The following ABHD6 variants were observed in gnomAD, a reference collection of about 807,000 sequenced individuals.
ABHD6 encodes abhydrolase domain containing 6, acylglycerol lipase.
ABHD6 carries 33 observed loss-of-function variants against 38.8 expected under a neutral mutation model. The observed-to-expected ratio is 0.85, with a 90% CI of 0.64 to 1.14. The LOEUF (loss-of-function observed/expected upper bound fraction) is 1.14, where lower values mean the gene tolerates loss of function less well. ABHD6 is among the 50% of genes most tolerant of loss of function. The pLI, the probability that ABHD6 is intolerant of heterozygous loss-of-function variation, is 0.00. For missense variants in ABHD6, 380 were observed against 422.6 expected (o/e 0.90, Z 0.88); for synonymous variants, 147 against 161.6 (o/e 0.91, Z 0.69).
chr3:58,240,237 T>C (rs2097421837), intron 1 of ABHD6, among the ~76,000 whole-genome samples: 1 of 152,148 alleles, frequency 6.6e-6, no homozygotes. Context: ...TGTCATATTC[T>C]TTAAAAAAAT....
Position 58,251,304 on chromosome 3 carries a change from G to A in ABHD6, c.-26+1362G>A, listed in dbSNP as rs976954660. Among the ~76,000 whole-genome samples, 1 of 137,984 alleles carries A rather than the reference G, an allele frequency of 7.2e-6. No individual in the cohort carries two copies. Among genetic ancestry groups the A allele is most frequent in the Non-Finnish European group, 1.5e-5 (1 of 65,864 alleles). 90.5% of individuals were successfully genotyped at this position (137,984 alleles called of 152,430 possible). ...TACACTCCAGCCTGGCTGACAGAGC[G>A]AGACTCCATCTAAAAAAAAAAAAGA... On this transcript the variant is annotated intron_variant, in intron 2 of 9. Coordinates refer to ENST00000478253, the MANE Select transcript of ABHD6 (RefSeq NM_001320126.2). The surrounding 1 kb of genome is among the most constrained non-coding windows in gnomAD (Gnocchi z 5.4).
intron 2 of ABHD6, among the ~76,000 whole-genome samples, chr3:58,252,181 T>C (rs1019638156): frequency 6.6e-6 from 1 of 151,528 alleles, no homozygotes; most frequent in Non-Finnish European, 1.5e-5. Flanking sequence ...CGATTTTTGC[T>C]ATATTCATGT....
chr3:58,244,043 C>T (rs1176612290), intron 1 of ABHD6, among the ~76,000 whole-genome samples: 2 of 152,232 alleles, frequency 1.3e-5, no homozygotes, highest in African/African-American at 4.8e-5. Flanking sequence ...ATCTATCCCT[C>T]TGTTTTCAAC....
At chr3:58,249,367 C>T (rs995212775) in intron 1 of ABHD6, among the ~76,000 whole-genome samples, 2 of 152,098 alleles carry the variant, frequency 1.3e-5, no homozygotes, top group South Asian at 4.1e-4. Flanking sequence ...TTCCTTTGCT[C>T]ATCTCATTCT....
intron 3 of ABHD6, chr3:58,258,486 T>A: frequency 3.0e-6 from 1 of 336,430 alleles, no homozygotes; most frequent in South Asian, 2.1e-5. Flanking sequence ...AAAAAGAAAG[T>A]GACTTTCTCA....
At chr3:58,262,378 C>T (rs1436606222) in intron 3 of ABHD6, among the ~76,000 whole-genome samples, 1 of 152,246 alleles carries the variant, frequency 6.6e-6, no homozygotes, top group East Asian at 1.9e-4. Flanking sequence ...CAGAAGTTCC[C>T]GTTAACTAGA....
At chr3:58,245,636 G>A (rs1436831533) in intron 1 of ABHD6, among the ~76,000 whole-genome samples, 11 of 152,072 alleles carry the variant, frequency 7.2e-5, no homozygotes, top group African/African-American at 7.2e-5. Context: ...AAAATTAGCC[G>A]GGTATGATGG....
At chr3:58,261,251 A>G (rs1252352473) in intron 3 of ABHD6, among the ~76,000 whole-genome samples, 1 of 152,232 alleles carries the variant, frequency 6.6e-6, no homozygotes, top group Non-Finnish European at 1.5e-5. Context: ...AGAAGAAATA[A>G]TAATAATCTG....
At chr3:58,264,139 C>T (rs909811740) in intron 3 of ABHD6, among the ~76,000 whole-genome samples, 14 of 152,080 alleles carry the variant, frequency 9.2e-5, no homozygotes, top group African/African-American at 3.4e-4. Context: ...GGTAGTTTAT[C>T]TAATATATTT....
intron 3 of ABHD6, among the ~76,000 whole-genome samples, chr3:58,264,972 CT>C (rs1476223183): frequency 4.0e-5 from 6 of 151,294 alleles, no homozygotes; most frequent in African/African-American, 1.5e-4. Flanking sequence ...CCGTATTGTG[CT>C]ATCAATAGTA....
chr3:58,254,073 G>C (rs1488551354), intron 2 of ABHD6, among the ~76,000 whole-genome samples: 1 of 152,134 alleles, frequency 6.6e-6, no homozygotes. Flanking sequence ...ACTAAGGACA[G>C]GCCATTTGAA....
chr3:58,291,442 A>G (rs1484330866), intron 9 of ABHD6, among the ~76,000 whole-genome samples: 2 of 151,996 alleles, frequency 1.3e-5, no homozygotes, highest in Non-Finnish European at 2.9e-5. Flanking sequence ...TATTTTTTGT[A>G]GAGATGAGGT....
rs546433774 is a variant in ABHD6 at position 58,267,133 on chromosome 3, G to A, written c.120-56G>A. The A allele has an allele frequency of 2.3e-5, 36 of 1,581,060 alleles. No homozygotes were observed. In the African/African-American group the frequency reaches 3.8e-4, roughly 17 times the overall value. ...AGAGAGGACCTGTGCCCATCTTGAA[G>A]CCACTCATCTAGAGCTTACTGATTT... On this transcript the variant is annotated intron_variant, in intron 3 of 9. Coordinates refer to ENST00000478253, the MANE Select transcript of ABHD6 (RefSeq NM_001320126.2). The surrounding 1 kb of genome is among the most constrained non-coding windows in gnomAD (Gnocchi z 4.3).
chr3:58,279,199 G>A (rs1306341776), intron 7 of ABHD6, among the ~76,000 whole-genome samples: 1 of 152,030 alleles, frequency 6.6e-6, no homozygotes, highest in African/African-American at 2.4e-5. Context: ...TTGACAGTGG[G>A]GTGTTAAAGT....
intron 9 of ABHD6, among the ~76,000 whole-genome samples, chr3:58,289,935 G>A: frequency 6.9e-6 from 1 of 145,348 alleles, no homozygotes; most frequent in South Asian, 2.1e-4. Context: ...CCCAGTAGGG[G>A]CGGCCGGGCA....
chr3:58,261,837 A>G (rs958896559), intron 3 of ABHD6, among the ~76,000 whole-genome samples: 2 of 152,206 alleles, frequency 1.3e-5, no homozygotes, highest in African/African-American at 2.4e-5. Context: ...CAGCAATTCT[A>G]CTTATGAGTG....
chr3:58,253,364 C>T (rs1478109682), intron 2 of ABHD6, among the ~76,000 whole-genome samples: 1 of 152,174 alleles, frequency 6.6e-6, no homozygotes, highest in Non-Finnish European at 1.5e-5. Context: ...CTTCTCAAAG[C>T]TGACAGTTCC....
intron 7 of ABHD6, among the ~76,000 whole-genome samples, chr3:58,283,806 G>C (rs1026712273): frequency 6.6e-6 from 1 of 152,186 alleles, no homozygotes; most frequent in Non-Finnish European, 1.5e-5. Flanking sequence ...GTGGAGGATG[G>C]ATGGACACAA....
chr3:58,281,706 G>T (rs192862069), intron 7 of ABHD6, among the ~76,000 whole-genome samples: 1 of 152,206 alleles, frequency 6.6e-6, no homozygotes, highest in African/African-American at 2.4e-5. Flanking sequence ...GACCGGAGCT[G>T]TTCCTATTCG....
Sources: gnomAD v4.1 joint callset for allele counts (sites outside exome capture counted in the v4.1 genomes callset) on GRCh38, gnomAD v4.1.1 for gene constraint, Gnocchi (gnomAD v3.1) non-coding constraint, MANE v1.5 for transcripts, NCBI Gene and HGNC (gene_info 2026-07-23, HGNC 2026-07-21) for gene names.